CPA6: variants seen among roughly 807,000 people sequenced by gnomAD.
The protein encoded by CPA6 is carboxypeptidase A6, also known as carboxypeptidase B.
A neutral mutation model predicts 63.3 loss-of-function variants in CPA6; 58 were observed. That is an observed-to-expected ratio of 0.92 (90% CI 0.74 to 1.14). CPA6 has a LOEUF of 1.14. Ranked by LOEUF, CPA6 falls within the 50% of genes most tolerant of loss-of-function variation. CPA6 has a pLI of 0.00. For synonymous variants in CPA6, 185 were observed against 179.0 expected (o/e 1.03, Z -0.27); for missense variants, 565 against 526.6 (o/e 1.07, Z -0.71).
rs1271942090 is a variant in CPA6, at chr8:67,475,809, CTTT to C, written c.838+7956_838+7958del. ...TCTTTCTTTCTTTCTTTCTTTCTTT[CTTT>C]CTTTCCTTTCTTTTCTTTCTTTCTT... On this transcript the variant is annotated intron_variant, in intron 8 of 10. Transcript: ENST00000297770. Among the ~76,000 whole-genome samples the C allele has an allele frequency of 7.5e-3, 361 of 47,942 alleles. 9 individuals are homozygous for C. Among genetic ancestry groups the C allele is most frequent in the African/African-American group, 0.025 (201 of 8,028 alleles). The allele number at this position is 47,942 out of a possible 152,430, so 31.5% of individuals were successfully genotyped here. A position where few individuals can be genotyped will look rare whatever the true frequency, so the allele number is the denominator to read the frequency against.
At chr8:67,450,577 G>GT (rs1810534720) in intron 8 of CPA6, among the ~76,000 whole-genome samples, 1 of 152,188 alleles carries the variant, frequency 6.6e-6, no homozygotes, top group Non-Finnish European at 1.5e-5. Flanking sequence ...TCAAGATTGA[G>GT]TAAGAAAAAG....
intron 2 of CPA6, among the ~76,000 whole-genome samples, chr8:67,543,532 G>A (rs1347771622): frequency 1.3e-5 from 2 of 152,138 alleles, no homozygotes; most frequent in Non-Finnish European, 2.9e-5. Context: ...AAATAGCAAT[G>A]GGAAGACAGA....
chr8:67,502,244 G>A (rs1052600940), intron 6 of CPA6, among the ~76,000 whole-genome samples: 10 of 152,086 alleles, frequency 6.6e-5, no homozygotes, highest in African/African-American at 2.2e-4. Flanking sequence ...TGGTAGTTGA[G>A]CCTAGGAGTT....
chr8:67,739,360 G>A (rs531303852), intron 1 of CPA6, among the ~76,000 whole-genome samples: 14 of 152,202 alleles, frequency 9.2e-5, no homozygotes, highest in Non-Finnish European at 1.9e-4. Flanking sequence ...AGTGCATAAG[G>A]AAAACTAAAA....
chr8:67,718,469 T>C lies in CPA6; in HGVS notation c.116+27545A>G, dbSNP rs1030710027. ...GACCATGGGTTATGTATGGCTGTGA[T>C]GAAAGGTACATGTGCAGGTCAGATA... On this transcript the variant is annotated intron_variant, in intron 1 of 10. Transcript: ENST00000297770. 2.6e-5 allele frequency among the ~76,000 whole-genome samples: 4 copies of C among 152,290 alleles called. No individual in the cohort carries two copies. In the East Asian group the frequency reaches 7.7e-4, roughly 29 times the overall value.
intron 8 of CPA6, among the ~76,000 whole-genome samples, chr8:67,466,084 GTTTTTTT>G (rs561313512): frequency 1.0e-5 from 1 of 96,098 alleles, no homozygotes; most frequent in Non-Finnish European, 2.2e-5. Flanking sequence ...TCTGAGGCTT[GTTTTTTT>G]TTTTTTTTTT....
chr8:67,596,436 A>G (rs987980656), intron 2 of CPA6, among the ~76,000 whole-genome samples: 3 of 151,850 alleles, frequency 2.0e-5, no homozygotes, highest in African/African-American at 7.3e-5. Context: ...AATAGATTAC[A>G]TTTCCCATTT....
rs931243740 is a variant in CPA6, at chr8:67,715,381, G to A, written c.116+30633C>T. Among the ~76,000 whole-genome samples, 31 of 152,192 alleles carry A rather than the reference G, an allele frequency of 2.0e-4. 1 individual carries two copies. Among genetic ancestry groups the A allele is most frequent in the Non-Finnish European group, 2.6e-4 (18 of 68,040 alleles). On this transcript the variant is annotated intron_variant, in intron 1 of 10. Coordinates refer to ENST00000297770, the MANE Select transcript of CPA6 (RefSeq NM_020361.5). Reference sequence around the variant, plus strand: ...CCACTCACGAAGTCACTTTACTGCTGCCTTCATTTAGTGAAAACTAGCCCT... The same window carrying A: ...CCACTCACGAAGTCACTTTACTGCTACCTTCATTTAGTGAAAACTAGCCCT...
At chr8:67,702,033 T>G (rs973686631) in intron 1 of CPA6, among the ~76,000 whole-genome samples, 1 of 152,114 alleles carries the variant, frequency 6.6e-6, no homozygotes, top group African/African-American at 2.4e-5. Flanking sequence ...TTTGTTAAAC[T>G]GCCTCTCTAA....
rs539230953 is a variant in CPA6 at position 67,512,741 on chromosome 8, T to C, written c.318-1086A>G. ...AGCTAAAAAGCTTTGCTTTCATATT[T>C]TATTTTCCAAAAGAACCTGTTGTTT... On this transcript the variant is annotated intron_variant, in intron 3 of 10. Transcript: ENST00000297770. 3.3e-5 allele frequency among the ~76,000 whole-genome samples: 5 copies of C among 152,356 alleles called. No individual in the cohort carries two copies. In the East Asian group the frequency reaches 9.6e-4, roughly 29 times the overall value.
chr8:67,681,688 G>C (rs1035817549), intron 1 of CPA6, among the ~76,000 whole-genome samples: 10 of 151,746 alleles, frequency 6.6e-5, no homozygotes, highest in African/African-American at 2.4e-4. Context: ...CATTGTCCTT[G>C]CACCTTAGAG....
chr8:67,426,385 A>G (rs1474886767), intron 10 of CPA6, among the ~76,000 whole-genome samples: 2 of 152,238 alleles, frequency 1.3e-5, no homozygotes, highest in Non-Finnish European at 2.9e-5. Flanking sequence ...TTAATGTTTA[A>G]AAATGTTTAT....
chr8:67,719,031 TTC>T (rs1038351781), intron 1 of CPA6, among the ~76,000 whole-genome samples: 1 of 152,172 alleles, frequency 6.6e-6, no homozygotes, highest in African/African-American at 2.4e-5. Context: ...ATATTTTTTT[TTC>T]TCTTATTCTT....
At chr8:67,544,421 T>C (rs981539698) in intron 2 of CPA6, among the ~76,000 whole-genome samples, 3 of 152,180 alleles carry the variant, frequency 2.0e-5, no homozygotes, top group Non-Finnish European at 2.9e-5. Flanking sequence ...AGCAGTGTCA[T>C]GACCCAGCAA....
intron 2 of CPA6, among the ~76,000 whole-genome samples, chr8:67,598,402 A>AT (rs1424211424): frequency 6.6e-6 from 1 of 152,110 alleles, no homozygotes; most frequent in Non-Finnish European, 1.5e-5. Flanking sequence ...CTTAAGTAGT[A>AT]TTTTCTATGT....
intron 8 of CPA6, among the ~76,000 whole-genome samples, chr8:67,481,058 A>C (rs1022961209): frequency 5.9e-5 from 9 of 152,248 alleles, no homozygotes; most frequent in Admixed American, 5.9e-4. Flanking sequence ...TTTGAATAGA[A>C]GTCTCTTAGT....
chr8:67,459,620 G>A (rs1308761103), intron 8 of CPA6, among the ~76,000 whole-genome samples: 1 of 152,202 alleles, frequency 6.6e-6, no homozygotes, highest in Admixed American at 6.5e-5. Flanking sequence ...TGGAGAGAGG[G>A]ATGAGTAGGC....
chr8:67,474,688 T>A (rs1811135596), intron 8 of CPA6, among the ~76,000 whole-genome samples: 1 of 152,030 alleles, frequency 6.6e-6, no homozygotes, highest in South Asian at 2.1e-4. Flanking sequence ...AAGAACCAGT[T>A]CTTCTGGTCG....
intron 2 of CPA6, among the ~76,000 whole-genome samples, chr8:67,526,124 CTTA>C (rs1459835513): frequency 1.3e-5 from 2 of 152,136 alleles, no homozygotes; most frequent in African/African-American, 2.4e-5. Context: ...TTAGAAACGA[CTTA>C]TTATGGAATT....
Sources: gnomAD v4.1 joint callset for allele counts (sites outside exome capture counted in the v4.1 genomes callset) on GRCh38, gnomAD v4.1.1 for gene constraint, MANE v1.5 for transcripts, NCBI Gene and HGNC (gene_info 2026-07-23, HGNC 2026-07-21) for gene names.